Variants in ASAP2 observed in about 807,000 individuals in gnomAD.
ASAP2 encodes arf-GAP with SH3 domain, ANK repeat and PH domain-containing protein 2.
ASAP2 carries 45 observed loss-of-function variants against 131.4 expected under a neutral mutation model. That is an observed-to-expected ratio of 0.34 (90% CI 0.27 to 0.44). The LOEUF (loss-of-function observed/expected upper bound fraction) is 0.44, where lower values mean the gene tolerates loss of function less well. Among genes scored for constraint, ASAP2 ranks in the 20% least tolerant of loss-of-function variants. ASAP2 has a pLI of 1.00. For missense variants in ASAP2, 1,011 were observed against 1,297.0 expected (o/e 0.78, Z 3.39); for synonymous variants, 510 against 503.0 (o/e 1.01, Z -0.19).
At chr2:9,381,880 G>A (rs1364561954) in intron 20 of ASAP2, among the ~76,000 whole-genome samples, 5 of 151,696 alleles carry the variant, frequency 3.3e-5, no homozygotes. Context: ...CACCAGCCTG[G>A]GGGAGAAAAA....
At chr2:9,393,324 A>G (rs562339790) in intron 23 of ASAP2, among the ~76,000 whole-genome samples, 158 bp from the exon 24 acceptor site, 12 of 152,214 alleles carry the variant, frequency 7.9e-5, no homozygotes, top group African/African-American at 2.9e-4. Flanking sequence ...CCTCCCTGTG[A>G]ATGGTTTTCT....
chr2:9,235,209 AGTTTT>A (rs1663460356), intron 1 of ASAP2, among the ~76,000 whole-genome samples: 1 of 152,154 alleles, frequency 6.6e-6, no homozygotes, highest in Admixed American at 6.5e-5. Flanking sequence ...TGGGGCCTGT[AGTTTT>A]GAACCTGATG....
At chr2:9,248,086 G>A (rs1664457511) in intron 1 of ASAP2, among the ~76,000 whole-genome samples, 1 of 152,182 alleles carries the variant, frequency 6.6e-6, no homozygotes, top group Non-Finnish European at 1.5e-5. Flanking sequence ...GGTGGAGAAG[G>A]GGTGGCTGAT....
intron 12 of ASAP2, 44 bp downstream of exon 12, chr2:9,350,939 A>G (rs368599933): frequency 6.7e-7 from 1 of 1,485,376 alleles, no homozygotes; most frequent in African/African-American, 1.4e-5. Flanking sequence ...ACGTTGTCTT[A>G]TGCTCTCCTC....
Position 9,295,832 on chromosome 2 carries a change from G to A in ASAP2, c.200-1468G>A, listed in dbSNP as rs1302473851. Among the ~76,000 whole-genome samples, 4 of 152,182 alleles carry A rather than the reference G, an allele frequency of 2.6e-5. No homozygotes were observed. In the East Asian group the frequency reaches 7.7e-4, roughly 29 times the overall value. ...GCTAGATCCCCATTAGAACCCTCTA[G>A]TCCCCCAAATGCCACTGGAGGTCAA... On this transcript the variant is annotated intron_variant, in intron 2 of 27. Coordinates refer to ENST00000281419, the MANE Select transcript of ASAP2 (RefSeq NM_003887.3).
At chr2:9,397,104 C>G (rs900694266) in intron 24 of ASAP2, among the ~76,000 whole-genome samples, 4 of 152,238 alleles carry the variant, frequency 2.6e-5, no homozygotes, top group African/African-American at 9.6e-5. Flanking sequence ...TTATTTCTGC[C>G]TCTATACCAA....
chr2:9,356,363 C>T lies in ASAP2; in HGVS notation c.1327+18C>T, dbSNP rs1421927951. ...GGCGCCAGGTGACCCAGGGACCCCA[C>T]CCGACCCTGGGCTCTAGGACATTTC... is the stretch of plus-strand genomic sequence containing the variant. On this transcript the variant is annotated intron_variant, in intron 14 of 27. Coordinates refer to ENST00000281419, the MANE Select transcript of ASAP2 (RefSeq NM_003887.3). 1 of 1,563,672 alleles carries T rather than the reference C, an allele frequency of 6.4e-7. No individual in the cohort carries two copies. The highest frequency in any genetic ancestry group is 2.2e-5 in the East Asian group (1 of 44,526).
At chr2:9,227,480 A>T (rs1236871706) in intron 1 of ASAP2, among the ~76,000 whole-genome samples, 2 of 152,102 alleles carry the variant, frequency 1.3e-5, no homozygotes, top group Non-Finnish European at 2.9e-5. Context: ...TTCTTTTTTT[A>T]AAATAAGCTC....
At chr2:9,242,926 A>AG (rs1427261304) in intron 1 of ASAP2, among the ~76,000 whole-genome samples, 3 of 152,168 alleles carry the variant, frequency 2.0e-5, no homozygotes, top group African/African-American at 7.2e-5. Flanking sequence ...CCCAGTAACA[A>AG]CAAATTTTTG....
chr2:9,243,644 G>A (rs990930295), intron 1 of ASAP2, among the ~76,000 whole-genome samples: 3 of 152,170 alleles, frequency 2.0e-5, no homozygotes, highest in Admixed American at 6.5e-5. Context: ...ATGAGATAGC[G>A]TTTCCACTTA....
chr2:9,267,137 T>A (rs1665996312), intron 1 of ASAP2, among the ~76,000 whole-genome samples: 2 of 152,198 alleles, frequency 1.3e-5, no homozygotes, highest in South Asian at 4.1e-4. Flanking sequence ...TCAATGAGAT[T>A]TTTTTAAAAA....
intron 1 of ASAP2, among the ~76,000 whole-genome samples, chr2:9,226,060 G>A (rs566603159): frequency 6.6e-6 from 1 of 152,226 alleles, no homozygotes; most frequent in African/African-American, 2.4e-5. Flanking sequence ...CTTGAAGGCG[G>A]AGGTTGTGTC....
chr2:9,336,283 GTCCCTCCC>G (rs1214539229), intron 9 of ASAP2, among the ~76,000 whole-genome samples: 1 of 151,900 alleles, frequency 6.6e-6, no homozygotes, highest in Admixed American at 6.6e-5. Flanking sequence ...GATGAAGCAG[GTCCCTCCC>G]TCCCTCCCTT....
chr2:9,212,313 T>C (rs1661618531), intron 1 of ASAP2, among the ~76,000 whole-genome samples: 1 of 152,158 alleles, frequency 6.6e-6, no homozygotes, highest in South Asian at 2.1e-4. Context: ...CTTGGAGTCC[T>C]GTGGATGTGC....
At chr2:9,282,266 A>C (rs1572345938) in intron 2 of ASAP2, among the ~76,000 whole-genome samples, 1 of 152,134 alleles carries the variant, frequency 6.6e-6, no homozygotes, top group Admixed American at 6.5e-5. Flanking sequence ...TTCTAAGGTC[A>C]TGAGTCTGAG....
At chr2:9,280,319 G>A (rs942113858) in intron 2 of ASAP2, among the ~76,000 whole-genome samples, 1 of 152,124 alleles carries the variant, frequency 6.6e-6, no homozygotes, top group African/African-American at 2.4e-5. Flanking sequence ...GGAGGGAAGG[G>A]GAAGAGCCTG....
chr2:9,278,947 C>T (rs1666937282), intron 1 of ASAP2, among the ~76,000 whole-genome samples: 1 of 152,152 alleles, frequency 6.6e-6, no homozygotes, highest in Non-Finnish European at 1.5e-5. Context: ...GCAGGGGCAT[C>T]CTGGAGCCTT....
intron 12 of ASAP2, among the ~76,000 whole-genome samples, chr2:9,351,757 C>T (rs906684240): frequency 4.6e-5 from 7 of 152,152 alleles, no homozygotes; most frequent in South Asian, 2.1e-4. Flanking sequence ...TGTGATTCAG[C>T]GCTCCCAGCA....
chr2:9,269,692 A>G (rs1382825852), intron 1 of ASAP2, among the ~76,000 whole-genome samples: 1 of 152,248 alleles, frequency 6.6e-6, no homozygotes, highest in Non-Finnish European at 1.5e-5. Context: ...TTCAGAGGCC[A>G]CTGTGCTGCC....
Sources: allele counts gnomAD v4.1 joint callset (sites outside exome capture counted in the v4.1 genomes callset), GRCh38; gene constraint gnomAD v4.1.1; transcripts MANE v1.5; gene names NCBI Gene and HGNC (gene_info 2026-07-23, HGNC 2026-07-21).